DRD2: variants seen among roughly 807,000 people sequenced by gnomAD.
DRD2 encodes the protein D(2) dopamine receptor.
Under a neutral mutation model 38.0 loss-of-function variants are expected in DRD2, and 8 were observed. The observed-to-expected ratio is 0.21, with a 90% CI of 0.12 to 0.38. The LOEUF is 0.38. DRD2 is among the 10% of genes least tolerant of loss of function. The pLI, the probability that DRD2 is intolerant of heterozygous loss-of-function variation, is 1.00. For missense variants in DRD2, 403 were observed against 607.7 expected, an observed-to-expected ratio of 0.66 and a Z score of 3.54; for synonymous variants, 230 against 238.6, an observed-to-expected ratio of 0.96 and a Z score of 0.33.
intron 1 of DRD2, among the ~76,000 whole-genome samples, chr11:113,432,034 G>A (rs565658957): frequency 5.1e-4 from 77 of 152,274 alleles, no homozygotes; most frequent in African/African-American, 1.6e-3. Flanking sequence ...TCCCAGTCAC[G>A]CCCCAAAACT....
rs562559065 is a variant in DRD2, at chr11:113,464,488, A to G, written c.-32+10588T>C. ...CCCTCACTGTCTTTGGCACTAGCTC[A>G]CTGTCTTCAACTCCAGCCCAAGTTG... On this transcript the variant is annotated intron_variant, in intron 1 of 7. Coordinates refer to ENST00000362072, the MANE Select transcript of DRD2 (RefSeq NM_000795.4). Among the ~76,000 whole-genome samples the G allele has an allele frequency of 3.3e-4, 50 of 152,198 alleles. No individual in the cohort carries two copies. In the South Asian group the frequency reaches 0.01, roughly 32 times the overall value.
In DRD2 at chr11:113,417,890, A is replaced by G. The variant is rs541272827; in HGVS notation, c.395+137T>C. ...CATACACACATGCACACCCATACAC[A>G]CAAACACATGGACCCCCATGCACAC... On this transcript the variant is annotated intron_variant, in intron 3 of 7. Coordinates refer to ENST00000362072, the MANE Select transcript of DRD2 (RefSeq NM_000795.4). The G allele has an allele frequency of 4.1e-6, 3 of 736,542 alleles. No individual in the cohort carries two copies. In the South Asian group the frequency reaches 4.4e-5, roughly 11 times the overall value. 45.6% of individuals were successfully genotyped at this position (736,542 alleles called of 1,614,324 possible).
At chr11:113,435,887 A>G (rs1335345729) in intron 1 of DRD2, among the ~76,000 whole-genome samples, 1 of 152,202 alleles carries the variant, frequency 6.6e-6, no homozygotes, top group African/African-American at 2.4e-5. Flanking sequence ...ACAAATCCTG[A>G]ACCTTATTGC....
intron 1 of DRD2, among the ~76,000 whole-genome samples, chr11:113,441,858 T>C (rs1951096257): frequency 1.3e-5 from 2 of 150,938 alleles, no homozygotes; most frequent in Non-Finnish European, 2.9e-5. Flanking sequence ...TGAGGCAAGA[T>C]AATCACTTGA....
At chr11:113,471,190 T>C (rs1951420826) in intron 1 of DRD2, among the ~76,000 whole-genome samples, 1 of 152,180 alleles carries the variant, frequency 6.6e-6, no homozygotes, top group Non-Finnish European at 1.5e-5. Flanking sequence ...AATATGATTC[T>C]ATTGTCAAAA....
intron 1 of DRD2, among the ~76,000 whole-genome samples, chr11:113,433,802 G>A (rs539819200): frequency 1.3e-5 from 2 of 152,100 alleles, no homozygotes; most frequent in African/African-American, 4.8e-5. Flanking sequence ...AACCCGGGTC[G>A]CCTGCTCCAA....
intron 1 of DRD2, among the ~76,000 whole-genome samples, chr11:113,462,136 C>T (rs978793036): frequency 3.3e-5 from 5 of 152,188 alleles, no homozygotes; most frequent in Non-Finnish European, 7.3e-5. Context: ...GGAGATGAGG[C>T]TTCAATTAGA....
intron 1 of DRD2, among the ~76,000 whole-genome samples, chr11:113,465,111 ATT>A (rs142453320): frequency 1.4e-5 from 2 of 145,674 alleles, no homozygotes; most frequent in African/African-American, 2.5e-5. Context: ...AGCCTCTGTG[ATT>A]TTTTTTTTTT....
intron 1 of DRD2, among the ~76,000 whole-genome samples, chr11:113,461,301 C>A (rs1040333248): frequency 1.3e-5 from 2 of 152,192 alleles, no homozygotes; most frequent in African/African-American, 4.8e-5. Context: ...GAGTGAGTCC[C>A]GCTAGTTTTG....
intron 2 of DRD2, among the ~76,000 whole-genome samples, chr11:113,419,473 T>C (rs376912333): frequency 4.6e-4 from 18 of 38,776 alleles, no homozygotes; most frequent in East Asian, 1.3e-3. Context: ...CACACACACA[T>C]GAACGCACCG....
intron 4 of DRD2, 56 bp downstream of exon 4, chr11:113,416,807 G>A (rs532004608): frequency 3.6e-5 from 57 of 1,600,960 alleles, no homozygotes; most frequent in African/African-American, 3.5e-4. Flanking sequence ...AGGGCCCTTC[G>A]AGGGAGCAGG....
intron 1 of DRD2, among the ~76,000 whole-genome samples, chr11:113,463,478 A>T (rs985086442): frequency 3.3e-5 from 5 of 150,110 alleles, no homozygotes; most frequent in African/African-American, 1.2e-4. Flanking sequence ...TTTCTCATTC[A>T]TGTGTAGAGT....
At chr11:113,466,543 T>C (rs572091752) in intron 1 of DRD2, among the ~76,000 whole-genome samples, 1 of 152,292 alleles carries the variant, frequency 6.6e-6, no homozygotes, top group African/African-American at 2.4e-5. Context: ...ACCTATAATG[T>C]CTTCATGGCT....
At chr11:113,412,217 G>A in intron 7 of DRD2, 1 of 399,174 alleles carries the variant, frequency 2.5e-6, no homozygotes, top group South Asian at 2.5e-5. Context: ...GAGGAGCCTA[G>A]AGAGAGAAAG....
At chr11:113,439,170 T>C (rs778090292) in intron 1 of DRD2, among the ~76,000 whole-genome samples, 3 of 152,242 alleles carry the variant, frequency 2.0e-5, no homozygotes, top group African/African-American at 7.2e-5. Flanking sequence ...GCTCTGCATC[T>C]GTCCTTTCTG....
intron 1 of DRD2, among the ~76,000 whole-genome samples, chr11:113,430,128 G>T (rs1272740121): frequency 2.6e-5 from 4 of 152,162 alleles, no homozygotes; most frequent in African/African-American, 4.8e-5. Flanking sequence ...GATGAAGGGA[G>T]ATGGATTTCA....
At chr11:113,466,727 C>G (rs1349291586) in intron 1 of DRD2, among the ~76,000 whole-genome samples, 3 of 152,140 alleles carry the variant, frequency 2.0e-5, no homozygotes, top group African/African-American at 7.2e-5. Flanking sequence ...CTCACCTACC[C>G]ATCACTTATC....
At chr11:113,453,109 C>G (rs72999670) in intron 1 of DRD2, among the ~76,000 whole-genome samples, 38,943 of 152,116 alleles carry the variant, frequency 0.26, 6,259 homozygotes, top group South Asian at 0.38. Context: ...CCTCTCTAAG[C>G]CACAGTTTTA....
intron 1 of DRD2, among the ~76,000 whole-genome samples, chr11:113,452,275 G>C (rs543441160): frequency 6.6e-6 from 1 of 152,280 alleles, no homozygotes; most frequent in African/African-American, 2.4e-5. Flanking sequence ...TGACAGCCAA[G>C]GGGCCGGTGG....
Sources: gnomAD v4.1 joint callset for allele counts (sites outside exome capture counted in the v4.1 genomes callset) on GRCh38, gnomAD v4.1.1 for gene constraint, MANE v1.5 for transcripts, NCBI Gene and HGNC (gene_info 2026-07-23, HGNC 2026-07-21) for gene names.